Variants in GPC6 observed in about 807,000 individuals in gnomAD.
The protein encoded by GPC6 is glypican 6, also known as glypican-6.
GPC6 carries 14 observed loss-of-function variants against 55.2 expected under a neutral mutation model. The ratio of observed to expected loss-of-function variants is 0.25; its 90% CI spans 0.17 to 0.40. The LOEUF (loss-of-function observed/expected upper bound fraction) is 0.40. Ranked by LOEUF, GPC6 falls within the 10% of genes least tolerant of loss-of-function variation. The pLI is 1.00. For synonymous variants in GPC6, 278 were observed against 259.6 expected, an observed-to-expected ratio of 1.07 and a Z score of -0.68; for missense variants, 641 against 708.5, an observed-to-expected ratio of 0.90 and a Z score of 1.08.
chr13:94,314,920 C>T (rs547052588), intron 6 of GPC6, among the ~76,000 whole-genome samples: 1 of 152,258 alleles, frequency 6.6e-6, no homozygotes, highest in East Asian at 1.9e-4. Context: ...TAGCAATAAA[C>T]CTCAGACATA....
intron 4 of GPC6, among the ~76,000 whole-genome samples, chr13:94,267,889 A>G (rs1181463984): frequency 6.6e-6 from 1 of 152,156 alleles, no homozygotes; most frequent in Admixed American, 6.5e-5. Context: ...ATTGCAGTTT[A>G]TTTATGTGAT....
At chr13:93,824,047 A>G (rs1473226589) in intron 2 of GPC6, among the ~76,000 whole-genome samples, 3 of 152,168 alleles carry the variant, frequency 2.0e-5, no homozygotes, top group Non-Finnish European at 4.4e-5. Context: ...AATTTAAAAA[A>G]ATCTTTATAT....
At chr13:93,339,405 A>G (rs1160662990) in intron 1 of GPC6, among the ~76,000 whole-genome samples, 1 of 150,354 alleles carries the variant, frequency 6.7e-6, no homozygotes, top group Non-Finnish European at 1.5e-5. Flanking sequence ...CACCACGTAT[A>G]CTTGCCATCA....
intron 3 of GPC6, among the ~76,000 whole-genome samples, chr13:93,833,344 A>G (rs1255245408): frequency 1.3e-5 from 2 of 152,172 alleles, no homozygotes; most frequent in Admixed American, 6.5e-5. Flanking sequence ...CACCCAAGGT[A>G]TTTTTGTAAT....
At chr13:93,978,468 A>T (rs571324492) in intron 3 of GPC6, among the ~76,000 whole-genome samples, 1 of 152,204 alleles carries the variant, frequency 6.6e-6, no homozygotes, top group Non-Finnish European at 1.5e-5. Flanking sequence ...TTTAAAACAC[A>T]GTCTCCAAAT....
At chr13:93,497,518 G>A (rs1444125415) in intron 1 of GPC6, among the ~76,000 whole-genome samples, 3 of 152,204 alleles carry the variant, frequency 2.0e-5, no homozygotes, top group Non-Finnish European at 4.4e-5. Context: ...ATTTCAAAGA[G>A]GGAAGGTCTG....
chr13:93,510,588 T>G (rs879801429), intron 1 of GPC6, among the ~76,000 whole-genome samples: 4 of 152,092 alleles, frequency 2.6e-5, no homozygotes, highest in Non-Finnish European at 5.9e-5. Flanking sequence ...ATTCCTTATC[T>G]TTGCTATTGT....
At chr13:93,904,249 T>G (rs1876514663) in intron 3 of GPC6, among the ~76,000 whole-genome samples, 1 of 152,088 alleles carries the variant, frequency 6.6e-6, no homozygotes, top group Non-Finnish European at 1.5e-5. Context: ...TTGGGTAGAT[T>G]ATGAGGTTCA....
At chr13:93,908,850 C>T (rs1876811057) in intron 3 of GPC6, among the ~76,000 whole-genome samples, 1 of 152,146 alleles carries the variant, frequency 6.6e-6, no homozygotes, top group Non-Finnish European at 1.5e-5. Context: ...GCTGAGACCA[C>T]TAGCTGGCTG....
intron 4 of GPC6, among the ~76,000 whole-genome samples, chr13:94,278,316 T>A (rs1299714791): frequency 6.6e-6 from 1 of 152,226 alleles, no homozygotes; most frequent in African/African-American, 2.4e-5. Flanking sequence ...AAGTTGCTTA[T>A]CAGCTTAAGG....
rs868192457 is a variant in GPC6 at position 93,633,430 on chromosome 13, G to A, written c.319+88009G>A. Reference sequence around the variant, plus strand: ...GGAGGCCGAGGCAGGTGGATCACTTGAGGTCAGGAGTTTAAGACTAGCCTG... The same window carrying A: ...GGAGGCCGAGGCAGGTGGATCACTTAAGGTCAGGAGTTTAAGACTAGCCTG... On this transcript the variant is annotated intron_variant, in intron 2 of 8. Coordinates refer to ENST00000377047, the MANE Select transcript of GPC6 (RefSeq NM_005708.5). 8.5e-5 allele frequency among the ~76,000 whole-genome samples: 13 copies of A among 152,222 alleles called. 1 individual carries two copies. In the Middle Eastern group the frequency reaches 0.01, roughly 120 times the overall value.
chr13:94,314,053 A>G (rs1428729759), intron 6 of GPC6, among the ~76,000 whole-genome samples: 2 of 152,234 alleles, frequency 1.3e-5, no homozygotes, highest in Non-Finnish European at 2.9e-5. Context: ...ACTAGCTGCT[A>G]TGTACAATCT....
intron 6 of GPC6, among the ~76,000 whole-genome samples, chr13:94,362,286 T>C (rs1384354262): frequency 6.6e-6 from 1 of 152,210 alleles, no homozygotes; most frequent in East Asian, 1.9e-4. Flanking sequence ...ATATTCATCA[T>C]GTAGCTTTAC....
At chr13:94,253,435 T>C (rs966484687) in intron 4 of GPC6, among the ~76,000 whole-genome samples, 5 of 152,226 alleles carry the variant, frequency 3.3e-5, no homozygotes, top group African/African-American at 9.6e-5. Flanking sequence ...GGTTCTTCTT[T>C]TTTTTATTTA....
intron 3 of GPC6, among the ~76,000 whole-genome samples, chr13:93,942,037 G>A (rs937631084): frequency 2.6e-5 from 4 of 152,108 alleles, no homozygotes; most frequent in African/African-American, 7.2e-5. Context: ...GGTATTTCCA[G>A]TTTTTAAGAG....
At chr13:93,527,565 G>T (rs1881704384) in intron 1 of GPC6, among the ~76,000 whole-genome samples, 1 of 152,062 alleles carries the variant, frequency 6.6e-6, no homozygotes, top group Non-Finnish European at 1.5e-5. Flanking sequence ...AAAGCCCTAG[G>T]TTGGAAAGGA....
chr13:93,592,195 G>GT (rs1024002424), intron 2 of GPC6, among the ~76,000 whole-genome samples: 7 of 151,212 alleles, frequency 4.6e-5, no homozygotes, highest in South Asian at 2.1e-4. Context: ...CCTGCAAGTT[G>GT]TTTTTTTGAA....
intron 1 of GPC6, among the ~76,000 whole-genome samples, chr13:93,374,118 G>T (rs1874787829): frequency 6.6e-6 from 1 of 152,094 alleles, no homozygotes; most frequent in Non-Finnish European, 1.5e-5. Context: ...CTGATTCAGT[G>T]GGTCCAAGTA....
chr13:94,389,180 G>C (rs9584223), intron 7 of GPC6, among the ~76,000 whole-genome samples: 23 of 152,166 alleles, frequency 1.5e-4, no homozygotes, highest in African/African-American at 4.8e-4. Context: ...GAGGAAAATC[G>C]ATAATAATCT....
Sources: gnomAD v4.1 joint callset for allele counts (sites outside exome capture counted in the v4.1 genomes callset) on GRCh38, gnomAD v4.1.1 for gene constraint, MANE v1.5 for transcripts, NCBI Gene and HGNC (gene_info 2026-07-23, HGNC 2026-07-21) for gene names.